FGF14: variants seen among roughly 807,000 people sequenced by gnomAD.
The protein encoded by FGF14 is fibroblast growth factor 14, also known as fibroblast growth factor homologous factor 4.
A neutral mutation model predicts 25.5 loss-of-function variants in FGF14; 5 were observed. The observed-to-expected ratio is 0.20, with a 90% confidence interval of 0.10 to 0.41. The LOEUF (loss-of-function observed/expected upper bound fraction) is 0.41, where lower values mean the gene tolerates loss of function less well. Among genes scored for constraint, FGF14 ranks in the 10% least tolerant of loss-of-function variants. The pLI is 1.00. For missense variants in FGF14, 222 were observed against 320.1 expected (o/e 0.69, Z 2.34); for synonymous variants, 138 against 118.3 (o/e 1.17, Z -1.08).
intron 1 of FGF14, among the ~76,000 whole-genome samples, chr13:102,168,628 G>A (rs1390873914): frequency 3.3e-5 from 5 of 152,126 alleles, no homozygotes; most frequent in Non-Finnish European, 7.4e-5. Flanking sequence ...TAAATCCAAT[G>A]CATGTAGCAG....
intron 1 of FGF14, among the ~76,000 whole-genome samples, chr13:102,078,925 T>A (rs548660278): frequency 6.6e-5 from 10 of 152,292 alleles, no homozygotes; most frequent in African/African-American, 1.9e-4. Flanking sequence ...GTGGCTAGAA[T>A]CTGGGTAAGA....
intron 1 of FGF14, among the ~76,000 whole-genome samples, chr13:102,207,791 T>C (rs2049997338): frequency 6.6e-6 from 1 of 152,154 alleles, no homozygotes; most frequent in Admixed American, 6.5e-5. Context: ...TGCATTTTTC[T>C]AATTACAATA....
chr13:101,734,911 G>A (rs865903838), intron 3 of FGF14, among the ~76,000 whole-genome samples: 1 of 152,094 alleles, frequency 6.6e-6, no homozygotes, highest in African/African-American at 2.4e-5. Context: ...TTTAAGATAT[G>A]TGATCAATTG....
chr13:102,126,550 G>A (rs937924099), intron 1 of FGF14, among the ~76,000 whole-genome samples: 2 of 152,150 alleles, frequency 1.3e-5, no homozygotes, highest in East Asian at 3.8e-4. Flanking sequence ...ATCTGTTTTC[G>A]TCCCTCCTTT....
At chr13:101,799,210 C>A (rs1384612938) in intron 3 of FGF14, among the ~76,000 whole-genome samples, 1 of 151,994 alleles carries the variant, frequency 6.6e-6, no homozygotes, top group Non-Finnish European at 1.5e-5. Flanking sequence ...CTTTTTTTCT[C>A]CCTGTCTGAT....
chr13:101,919,399 TA>T (rs2033827310), upstream of FGF14, among the ~76,000 whole-genome samples: 1 of 151,972 alleles, frequency 6.6e-6, no homozygotes, highest in Non-Finnish European at 1.5e-5. Context: ...AGTTTATTTT[TA>T]AAGGTTCTTT....
At chr13:101,871,347 C>A (rs2045069024) in intron 2 of FGF14, among the ~76,000 whole-genome samples, 1 of 152,132 alleles carries the variant, frequency 6.6e-6, no homozygotes, top group Non-Finnish European at 1.5e-5. Context: ...GGCTCAACCC[C>A]ATACCTATTA....
At chr13:102,031,481 AC>A (rs2139936566) in intron 1 of FGF14, among the ~76,000 whole-genome samples, 1 of 152,178 alleles carries the variant, frequency 6.6e-6, no homozygotes, top group Non-Finnish European at 1.5e-5. Context: ...TGCTTTTTTC[AC>A]TAAAAGTTCT....
At chr13:102,311,007 A>T (rs937734802) in intron 1 of FGF14, among the ~76,000 whole-genome samples, 1 of 151,926 alleles carries the variant, frequency 6.6e-6, no homozygotes, top group Non-Finnish European at 1.5e-5. Flanking sequence ...TGTGTCCCAT[A>T]TGGCCCACTT....
At chr13:102,044,273 G>C (rs767317230) in intron 1 of FGF14, among the ~76,000 whole-genome samples, 13 of 152,062 alleles carry the variant, frequency 8.5e-5, no homozygotes, top group Middle Eastern at 3.2e-3. Flanking sequence ...CCTGGTAGAT[G>C]CTGTCCTAAC....
intron 3 of FGF14, among the ~76,000 whole-genome samples, chr13:101,823,626 G>A (rs564856781): frequency 1.3e-5 from 2 of 150,230 alleles, no homozygotes; most frequent in East Asian, 2.0e-4. Context: ...TAGTAGAGAC[G>A]GGGTTTCTCC....
intron 3 of FGF14, among the ~76,000 whole-genome samples, chr13:101,791,065 T>G (rs1001008757): frequency 5.3e-5 from 8 of 151,542 alleles, no homozygotes. Flanking sequence ...TTAGCTCTTT[T>G]TGTAAGTGGC....
chr13:102,057,531 T>C (rs576631578), intron 1 of FGF14, among the ~76,000 whole-genome samples: 2 of 152,310 alleles, frequency 1.3e-5, no homozygotes, highest in Non-Finnish European at 2.9e-5. Flanking sequence ...CAGAATATAG[T>C]TAGTATGAGA....
intron 1 of FGF14, among the ~76,000 whole-genome samples, chr13:102,378,375 C>T (rs929836580): frequency 1.3e-5 from 2 of 152,076 alleles, no homozygotes; most frequent in African/African-American, 2.4e-5. Context: ...AATATAAAGT[C>T]TTTAAAAATT....
rs374010824 is a variant in FGF14 at position 101,875,293 on chromosome 13, G to T, written c.197C>A (p.Pro66His). Residue 66 changes from proline (P) to histidine (H), a missense_variant, in exon 2 of 5, where the codon CCC becomes CAC. Pro to His is a moderately conservative substitution (Grantham distance 77). This residue lies in a region of FGF14 where 50 missense variants were observed against 75.2 expected (regional missense o/e 0.66). Coordinates refer to ENST00000376143, the MANE Select transcript of FGF14 (RefSeq NM_004115.4). The stretch of plus-strand genomic sequence containing the variant: ...CCTGGTCACTATACCCTTGAGCTGG[G>T]GATCTGAAAGGCAAACATAGTTATC... Reference protein sequence around the residue: ...LKKRRLRRQDPQLKGIVTRLY... With the variant: ...LKKRRLRRQDHQLKGIVTRLY... The T allele has an allele frequency of 3.2e-5, 52 of 1,605,772 alleles. No individual in the cohort carries two copies. In the African/African-American group the frequency reaches 6.8e-4, roughly 21 times the overall value.
chr13:101,886,915 CA>C (rs1410782609), intron 1 of FGF14, among the ~76,000 whole-genome samples: 2 of 152,042 alleles, frequency 1.3e-5, no homozygotes, highest in Non-Finnish European at 2.9e-5. Context: ...AGAAGACATA[CA>C]AATAGCCAAC....
intron 1 of FGF14, among the ~76,000 whole-genome samples, chr13:102,124,808 A>G (rs1199325726): frequency 6.6e-6 from 1 of 152,142 alleles, no homozygotes; most frequent in African/African-American, 2.4e-5. Context: ...ATATATATTC[A>G]TAGCAAACAT....
chr13:102,060,573 C>T (rs2042639541), intron 1 of FGF14, among the ~76,000 whole-genome samples: 1 of 152,218 alleles, frequency 6.6e-6, no homozygotes, highest in African/African-American at 2.4e-5. Flanking sequence ...AGTTATATCA[C>T]TGCTTCACAT....
chr13:101,980,384 G>A (rs576978333), intron 1 of FGF14, among the ~76,000 whole-genome samples: 39 of 151,284 alleles, frequency 2.6e-4, no homozygotes, highest in African/African-American at 6.8e-4. Flanking sequence ...TAAGGTTTTC[G>A]ATTATGAGAG....
Sources: gnomAD v4.1 joint callset for allele counts (sites outside exome capture counted in the v4.1 genomes callset) on GRCh38, gnomAD v4.1.1 for gene constraint, gnomAD v4.1.1 regional missense constraint, MANE v1.5 for transcripts, NCBI Gene and HGNC (gene_info 2026-07-23, HGNC 2026-07-21) for gene names.